Variants in LINGO3 observed in about 807,000 individuals in gnomAD.
LINGO3 encodes leucine rich repeat and Ig domain containing 3.
For missense variants in LINGO3, 750 were observed against 867.7 expected, an observed-to-expected ratio of 0.86 and a Z score of 1.70; for synonymous variants, 427 against 444.2, an observed-to-expected ratio of 0.96 and a Z score of 0.49.
upstream of LINGO3, among the ~76,000 whole-genome samples, chr19:2,293,363 C>CTT (rs753063214): frequency 7.5e-6 from 1 of 133,032 alleles, no homozygotes; most frequent in African/African-American, 2.8e-5. Flanking sequence ...CGCGCCTGGC[C>CTT]TTTTTTTTTT....
downstream of LINGO3, among the ~76,000 whole-genome samples, chr19:2,288,633 G>A (rs977221105): frequency 6.6e-6 from 1 of 152,196 alleles, no homozygotes; most frequent in Non-Finnish European, 1.5e-5. This position sits in a 1 kb window ranked among gnomAD's most constrained non-coding sequence, Gnocchi z 6.5. Flanking sequence ...GGAGGGCTGG[G>A]GTGATGGCTC....
At chr19:2,305,470 G>A in the LINGO3 span, among the ~76,000 whole-genome samples, 1 of 152,106 alleles carries the variant, frequency 6.6e-6, no homozygotes, top group Non-Finnish European at 1.5e-5. Flanking sequence ...GGTGCCTGGT[G>A]GTGTGGGCAG....
In LINGO3 at chr19:2,291,828, G is replaced by T. The variant is rs1342037038; in HGVS notation, c.-52C>A. On this transcript the variant is annotated 5_prime_UTR_variant, in exon 1 of 1. Transcript: ENST00000585527. ...GCCACCATCCTCCTGCGCACCTGCG[G>T]GCGGGCGGGGAGCGGGCAGCGTTAG... 1 of 1,427,180 alleles carries T rather than the reference G, an allele frequency of 7.0e-7. No homozygotes were observed. The allele number at this position is 1,427,180 out of a possible 1,614,324, so 88.4% of individuals were successfully genotyped here.
chr19:2,307,759 TCTC>T, the LINGO3 span, among the ~76,000 whole-genome samples: 1 of 151,692 alleles, frequency 6.6e-6, no homozygotes, highest in South Asian at 2.1e-4. Flanking sequence ...GCCCCCTTCA[TCTC>T]CTCCTGGAGA....
At chr19:2,304,418 AG>A in the LINGO3 span, among the ~76,000 whole-genome samples, 1 of 152,178 alleles carries the variant, frequency 6.6e-6, no homozygotes, top group Non-Finnish European at 1.5e-5. Flanking sequence ...CCGGAACTGC[AG>A]ATAAGGCCAC....
the LINGO3 span, among the ~76,000 whole-genome samples, chr19:2,303,695 C>T: frequency 2.2e-4 from 33 of 152,230 alleles, no homozygotes; most frequent in African/African-American, 7.7e-4. Flanking sequence ...CCTGCCTCAC[C>T]CAAACCTGGA....
exon 1 of LINGO3, chr19:2,291,401 C>T (rs1295059264): frequency 6.2e-7 from 1 of 1,613,456 alleles, no homozygotes; most frequent in Non-Finnish European, 8.5e-7. Flanking sequence ...GTGAGGTTGT[C>T]CAGGCGCGTG....
exon 1 of LINGO3, chr19:2,291,480 G>T (rs2025521041): frequency 6.2e-7 from 1 of 1,612,362 alleles, no homozygotes; most frequent in South Asian, 1.1e-5. Flanking sequence ...GCGGCAGGTT[G>T]GCGAAGGCGC....
In LINGO3 at chr19:2,290,626, T is replaced by G; in HGVS notation, c.1151A>C (p.Glu384Ala). ...GTTTCGCAGCGCGTCGCCGCGCACC[T>G]CGGCCGGGGTGGCGCAGGCCGGCAG... The change falls in exon 1 of 1, where the codon GAG becomes GCG. Residue 384 changes from glutamate (E) to alanine (A), a missense_variant. Physicochemically the swap from Glu to Ala is moderately radical, Grantham distance 107 (BLOSUM62 -1). Transcript: ENST00000585527. This position sits in a 1 kb window ranked among gnomAD's most constrained non-coding sequence, Gnocchi z 6.0. 1 of 1,595,284 alleles carries G rather than the reference T, an allele frequency of 6.3e-7. No individual in the cohort carries two copies. Among genetic ancestry groups the G allele is most frequent in the Non-Finnish European group, 8.5e-7 (1 of 1,174,498 alleles).
chr19:2,303,247 C>CT, the LINGO3 span, among the ~76,000 whole-genome samples: 1 of 152,206 alleles, frequency 6.6e-6, no homozygotes, highest in Non-Finnish European at 1.5e-5. Flanking sequence ...GGACTGGCGT[C>CT]TTTCCCCCAG....
At chr19:2,289,688 C>T, downstream of LINGO3, 1 of 344,828 alleles carries the variant, frequency 2.9e-6, no homozygotes. Flanking sequence ...CTGAGCGCCC[C>T]CAGCCACCCC....
At chr19:2,291,174 G>T (rs776368770) in exon 1 of LINGO3, 1 of 1,607,552 alleles carries the variant, frequency 6.2e-7, no homozygotes, top group Admixed American at 1.7e-5. Context: ...GCCGCAGGGC[G>T]CCCAGGCTGC....
At chr19:2,291,088 T>C (rs758199727) in exon 1 of LINGO3, 1 of 1,609,820 alleles carries the variant, frequency 6.2e-7, no homozygotes, top group East Asian at 2.2e-5. Context: ...CGGCCAGTTG[T>C]CAATCTCCAG....
rs765311639 is a variant in LINGO3 at position 2,291,470 on chromosome 19, G to C, written c.307C>G (p.Arg103Gly). ...CCACGGAGACGCAGGACGCGCAGGCGCGGCAGGTTGGCGAAGGCGCCGGGC... is the reference window on the plus strand; with the variant it reads ...CCACGGAGACGCAGGACGCGCAGGCCCGGCAGGTTGGCGAAGGCGCCGGGC... Residue 103 changes from arginine (R) to glycine (G), a missense_variant, in exon 1 of 1, where the codon CGC becomes GGC. Coordinates refer to ENST00000585527, the Ensembl canonical transcript of LINGO3. 2.5e-6 allele frequency: 4 copies of C among 1,612,606 alleles called. No individual in the cohort carries two copies. In the African/African-American group the frequency reaches 5.3e-5, roughly 22 times the overall value.
the LINGO3 span, among the ~76,000 whole-genome samples, chr19:2,300,894 C>A: frequency 6.6e-6 from 1 of 152,214 alleles, no homozygotes; most frequent in African/African-American, 2.4e-5. Context: ...ACACTGGGGC[C>A]TGGTCGTTCT....
At chr19:2,307,282 G>C in the LINGO3 span, among the ~76,000 whole-genome samples, 1 of 152,196 alleles carries the variant, frequency 6.6e-6, no homozygotes, top group East Asian at 1.9e-4. Context: ...CTCAGAACTG[G>C]GGGGGCCGGG....
At chr19:2,292,618 T>G (rs2025536704), upstream of LINGO3, among the ~76,000 whole-genome samples, 1 of 151,238 alleles carries the variant, frequency 6.6e-6, no homozygotes, top group Admixed American at 6.6e-5. Context: ...GCCTCCTGAG[T>G]AGCTGGGATT....
chr19:2,291,434 T>C, exon 1 of LINGO3: 1 of 1,613,176 alleles, frequency 6.2e-7, no homozygotes, highest in Non-Finnish European at 8.5e-7. Flanking sequence ...GGGATGAGCT[T>C]CAGCTGGTTG....
At chr19:2,288,384 C>T (rs746246195), downstream of LINGO3, among the ~76,000 whole-genome samples, 1 of 152,244 alleles carries the variant, frequency 6.6e-6, no homozygotes, top group Admixed American at 6.5e-5. This position sits in a 1 kb window ranked among gnomAD's most constrained non-coding sequence, Gnocchi z 6.5. Context: ...TCTCGTTCCC[C>T]ACCTGAGCCA....
Sources: gnomAD v4.1 joint callset for allele counts (sites outside exome capture counted in the v4.1 genomes callset) on GRCh38, gnomAD v4.1.1 for gene constraint, Gnocchi (gnomAD v3.1) non-coding constraint, MANE v1.5 for transcripts, NCBI Gene and HGNC (gene_info 2026-07-23, HGNC 2026-07-21) for gene names.